Variants in CSMD2 observed in about 807,000 individuals in gnomAD.
CSMD2 encodes the protein CUB and Sushi multiple domains 2.
A neutral mutation model predicts 398.5 loss-of-function variants in CSMD2; 130 were observed. The observed-to-expected ratio is 0.33, with a 90% CI of 0.28 to 0.38. The LOEUF is 0.38. Ranked by LOEUF, CSMD2 falls within the 10% of genes least tolerant of loss-of-function variation. CSMD2 has a pLI of 1.00. For synonymous variants in CSMD2, 1,828 were observed against 1,908.5 expected (o/e 0.96, Z 1.10); for missense variants, 3,829 against 4,764.9 (o/e 0.80, Z 5.78).
At chr1:34,083,317 T>C (rs1657483543) in intron 2 of CSMD2, among the ~76,000 whole-genome samples, 1 of 152,212 alleles carries the variant, frequency 6.6e-6, no homozygotes, top group Non-Finnish European at 1.5e-5. Context: ...GCTCTCGCTC[T>C]TTGTCACTCT....
intron 25 of CSMD2, among the ~76,000 whole-genome samples, chr1:33,677,608 G>T (rs1464148792): frequency 6.6e-6 from 1 of 152,116 alleles, no homozygotes; most frequent in Non-Finnish European, 1.5e-5. Context: ...CCATTACTGG[G>T]TATATGCCCA....
chr1:33,755,791 G>A (rs1377907286), intron 13 of CSMD2, among the ~76,000 whole-genome samples: 1 of 151,670 alleles, frequency 6.6e-6, no homozygotes, highest in East Asian at 1.9e-4. Context: ...GACTATAGGT[G>A]TGTGCCACTA....
chr1:33,855,291 C>T (rs1639002584), intron 5 of CSMD2, among the ~76,000 whole-genome samples: 1 of 152,154 alleles, frequency 6.6e-6, no homozygotes, highest in East Asian at 1.9e-4. Flanking sequence ...CCATAGGCTA[C>T]AGCTGATTGG....
intron 3 of CSMD2, among the ~76,000 whole-genome samples, chr1:34,003,676 T>C (rs1646970542): frequency 6.6e-6 from 1 of 152,174 alleles, no homozygotes; most frequent in African/African-American, 2.4e-5. Context: ...ATCCCCTTGG[T>C]GGGGACATGT....
rs770179308 is a variant in CSMD2 at position 33,580,760 on chromosome 1, G to A, written c.7380C>T (p.Arg2460=). Reference sequence around the variant, plus strand: ...TGTGTTTTTTTCACTCACCTGAATAGCGGATCTTGAAGCCCTTCCGATTGT... The same window carrying A: ...TGTGTTTTTTTCACTCACCTGAATAACGGATCTTGAAGCCCTTCCGATTGT... ...HAYNRKGFKI[R]YSAPYCSLPR... is the part of the protein sequence containing the mutation. The change falls in exon 48 of 71, where the codon CGC becomes CGT. Residue 2460 remains arginine (R), a synonymous_variant. Transcript: ENST00000373381. 2 of 1,614,170 alleles carry A rather than the reference G, an allele frequency of 1.2e-6. No homozygotes were observed. The highest frequency in any genetic ancestry group is 2.2e-5 in the South Asian group (2 of 91,072).
chr1:33,932,134 C>T (rs1005159141), intron 4 of CSMD2, among the ~76,000 whole-genome samples: 3 of 152,130 alleles, frequency 2.0e-5, no homozygotes, highest in Middle Eastern at 3.4e-3. Context: ...GGGAAGGCAA[C>T]AAAAAGAGCA....
At chr1:33,978,842 A>G (rs1646061871) in intron 3 of CSMD2, among the ~76,000 whole-genome samples, 1 of 152,218 alleles carries the variant, frequency 6.6e-6, no homozygotes, top group Non-Finnish European at 1.5e-5. Flanking sequence ...TATTCCAGGC[A>G]TCATACTAAG....
chr1:33,703,270 A>G (rs1645669906), intron 22 of CSMD2, among the ~76,000 whole-genome samples: 1 of 152,242 alleles, frequency 6.6e-6, no homozygotes, highest in Non-Finnish European at 1.5e-5. Context: ...CATTAAATGT[A>G]TAGACGGATT....
chr1:33,559,253 A>G lies in CSMD2; in HGVS notation c.8554+47T>C, dbSNP rs1370312382. On this transcript the variant is annotated intron_variant, in intron 54 of 70. Coordinates refer to ENST00000373381, the MANE Select transcript of CSMD2 (RefSeq NM_001281956.2). The surrounding 1 kb of genome is among the most constrained non-coding windows in gnomAD (Gnocchi z 4.0). ...CTTTTTCTGAGCTACAGAACCACAT[A>G]TAGCAGAGATGGTGGGGACTGGATT... is the stretch of plus-strand genomic sequence containing the variant. The G allele has an allele frequency of 3.3e-6, 5 of 1,499,170 alleles. No homozygotes were observed. The highest frequency in any genetic ancestry group is 2.5e-5 in the East Asian group (1 of 40,730). 92.9% of individuals were successfully genotyped at this position (1,499,170 alleles called of 1,614,324 possible). A position where few individuals can be genotyped will look rare whatever the true frequency, so the allele number is the denominator to read the frequency against.
chr1:34,121,696 A>G (rs705214), intron 1 of CSMD2, among the ~76,000 whole-genome samples: 58,036 of 151,956 alleles, frequency 0.38, 11,824 homozygotes, highest in East Asian at 0.69. Context: ...CAATTAAATT[A>G]AATTAATTAA....
At chr1:33,658,274 A>G (rs1644016720) in intron 26 of CSMD2, 137 bp from the exon 27 acceptor site, 6 of 667,256 alleles carry the variant, frequency 9.0e-6, no homozygotes, top group Admixed American at 5.5e-5. Context: ...CATCATCATC[A>G]GCTGTAGCCA....
chr1:33,745,359 T>C (rs998429243), intron 13 of CSMD2, among the ~76,000 whole-genome samples: 6 of 152,238 alleles, frequency 3.9e-5, no homozygotes, highest in Non-Finnish European at 5.9e-5. Context: ...TCTTTTAATA[T>C]ATACAAGCAT....
intron 25 of CSMD2, among the ~76,000 whole-genome samples, chr1:33,671,185 G>A (rs1644484993): frequency 6.6e-6 from 1 of 152,188 alleles, no homozygotes; most frequent in Non-Finnish European, 1.5e-5. Context: ...AGGAATTCAT[G>A]GTCCCCATTC....
At chr1:34,054,588 T>A (rs1222892162) in intron 2 of CSMD2, among the ~76,000 whole-genome samples, 1 of 151,874 alleles carries the variant, frequency 6.6e-6, no homozygotes, top group Admixed American at 6.6e-5. Context: ...ATAATAATAA[T>A]AATTAGCCGG....
At chr1:33,827,295 T>A (rs1469836240) in intron 6 of CSMD2, among the ~76,000 whole-genome samples, 1 of 152,242 alleles carries the variant, frequency 6.6e-6, no homozygotes, top group African/African-American at 2.4e-5. Flanking sequence ...AAGACCAATC[T>A]GTTCTCCCCA....
chr1:33,689,537 C>A (rs2149089804), intron 25 of CSMD2, among the ~76,000 whole-genome samples: 1 of 152,236 alleles, frequency 6.6e-6, no homozygotes. Flanking sequence ...TCCCCTCCAC[C>A]CCCATAGCCA....
chr1:33,561,977 A>G (rs1658599395), intron 53 of CSMD2, among the ~76,000 whole-genome samples: 1 of 151,972 alleles, frequency 6.6e-6, no homozygotes, highest in Non-Finnish European at 1.5e-5. Context: ...GAGGATTAAA[A>G]CCCTTGGGAA....
intron 29 of CSMD2, among the ~76,000 whole-genome samples, chr1:33,640,645 TA>T (rs1418990422): frequency 6.6e-6 from 1 of 152,148 alleles, no homozygotes; most frequent in African/African-American, 2.4e-5. Context: ...ACTTTATATT[TA>T]TAGAAAGTAT....
chr1:33,533,656 T>A lies in CSMD2; in HGVS notation c.9991+140A>T, dbSNP rs975956641. ...GGAAGTCTTCTGTGAGGCCCCAAAG[T>A]GTAAGGACTACAAAGAGACCGATGT... On this transcript the variant is annotated intron_variant, in intron 63 of 70. Transcript: ENST00000373381. This position sits in a 1 kb window ranked among gnomAD's most constrained non-coding sequence, Gnocchi z 4.2. The A allele has an allele frequency of 1.6e-6, 1 of 632,564 alleles. No individual in the cohort carries two copies. Among genetic ancestry groups the A allele is most frequent in the Admixed American group, 2.8e-5 (1 of 35,660 alleles). The allele number at this position is 632,564 out of a possible 1,614,324, so 39.2% of individuals were successfully genotyped here.
Sources: gnomAD v4.1 joint callset for allele counts (sites outside exome capture counted in the v4.1 genomes callset) on GRCh38, gnomAD v4.1.1 for gene constraint, Gnocchi (gnomAD v3.1) non-coding constraint, MANE v1.5 for transcripts, NCBI Gene and HGNC (gene_info 2026-07-23, HGNC 2026-07-21) for gene names.